FSD1L: variants seen among roughly 807,000 people sequenced by gnomAD.
The protein encoded by FSD1L is fibronectin type III and SPRY domain containing 1 like.
In FSD1L, 45 loss-of-function variants were observed where a neutral mutation model predicts 71.6. The ratio of observed to expected loss-of-function variants is 0.63; its 90% CI spans 0.49 to 0.81. The LOEUF is 0.81. FSD1L is among the 30% of genes least tolerant of loss of function. FSD1L has a pLI of 0.00. For missense variants in FSD1L, 561 were observed against 618.1 expected (o/e 0.91, Z 0.98); for synonymous variants, 197 against 207.2 (o/e 0.95, Z 0.42).
chr9:105,465,517 A>T (rs888396841), intron 3 of FSD1L, among the ~76,000 whole-genome samples: 2 of 152,210 alleles, frequency 1.3e-5, no homozygotes, highest in Non-Finnish European at 1.5e-5. Flanking sequence ...ATAAAATACT[A>T]GCAAACTGAA....
rs1042622426 is a variant in FSD1L at position 105,550,657 on chromosome 9, A to C, written c.*4174A>C. The C allele has an allele frequency of 3.3e-5, 5 of 152,108 alleles. No individual in the cohort carries two copies. Among genetic ancestry groups the C allele is most frequent in the Non-Finnish European group, 7.4e-5 (5 of 67,952 alleles). 9.4% of individuals were successfully genotyped at this position (152,108 alleles called of 1,614,324 possible). On this transcript the variant is annotated 3_prime_UTR_variant, in exon 14 of 14. Coordinates refer to ENST00000481272, the MANE Select transcript of FSD1L (RefSeq NM_001145313.3). ...AGCATTTTGAATTAGTTGGAGTTTA[A>C]ATGGATTACATTTGGTGTATATTGT... is the stretch of plus-strand genomic sequence containing the variant.
At chr9:105,523,894 T>C in intron 10 of FSD1L, 1 of 1,592,136 alleles carries the variant, frequency 6.3e-7, no homozygotes, top group South Asian at 1.1e-5. Context: ...ATTATGGATT[T>C]TATTGTAGCA....
intron 5 of FSD1L, among the ~76,000 whole-genome samples, chr9:105,475,199 A>G (rs1831715520): frequency 6.6e-6 from 1 of 152,332 alleles, no homozygotes. Flanking sequence ...AAGTCAGTGT[A>G]ACTAAATTGC....
chr9:105,464,380 A>G, intron 3 of FSD1L, 49 bp downstream of exon 3: 1 of 810,426 alleles, frequency 1.2e-6, no homozygotes, highest in East Asian at 2.9e-5. Context: ...ACAATGAGCC[A>G]AATCTGAAGT....
upstream of FSD1L, among the ~76,000 whole-genome samples, chr9:105,444,045 A>G (rs1433050642): frequency 6.6e-6 from 1 of 152,182 alleles, no homozygotes; most frequent in Non-Finnish European, 1.5e-5. Context: ...TTGGGCTTCA[A>G]CAAAGGGCAG....
chr9:105,500,178 G>T (rs139236825), intron 7 of FSD1L, among the ~76,000 whole-genome samples: 5 of 152,136 alleles, frequency 3.3e-5, no homozygotes, highest in Non-Finnish European at 5.9e-5. Flanking sequence ...CAGCATTTCT[G>T]CCATATCTGA....
Position 105,546,376 on chromosome 9 carries a change from T to C in FSD1L, c.1486T>C (p.Ser496Pro). 1.3e-6 allele frequency: 2 copies of C among 1,548,170 alleles called. No homozygotes were observed. Among genetic ancestry groups the C allele is most frequent in the South Asian group, 1.2e-5 (1 of 83,362 alleles). Residue 496 changes from serine to proline, a missense_variant, in exon 14 of 14, where the codon TCT (serine) becomes CCT (proline). By Grantham distance (74) the Ser-to-Pro change is moderately conservative (BLOSUM62 -1). This residue lies in a region of FSD1L where 98 missense variants were observed against 102.3 expected (regional missense o/e 0.96). Transcript: ENST00000481272. ...PGFMVWCGGLSLSTGMQVPSA... is the reference protein window; with the variant it reads ...PGFMVWCGGLPLSTGMQVPSA... ...TTCTTAGGTATGGTGTGGTGGACTT[T>C]CTTTGAGTACTGGGATGCAGGTTCC... is the stretch of plus-strand genomic sequence containing the variant.
chr9:105,545,046 T>C (rs1836893302), intron 13 of FSD1L, among the ~76,000 whole-genome samples: 1 of 152,222 alleles, frequency 6.6e-6, no homozygotes, highest in Admixed American at 6.5e-5. Context: ...ATATTGATTC[T>C]TCCTATCCAT....
intron 7 of FSD1L, among the ~76,000 whole-genome samples, chr9:105,491,406 A>G (rs1385642179): frequency 6.6e-6 from 1 of 152,034 alleles, no homozygotes; most frequent in East Asian, 1.9e-4. Context: ...GGGCTGAGAC[A>G]ATGGGGTTTC....
intron 7 of FSD1L, among the ~76,000 whole-genome samples, chr9:105,493,589 C>T (rs1252085648): frequency 1.3e-5 from 2 of 152,164 alleles, no homozygotes; most frequent in African/African-American, 4.8e-5. Context: ...CAGTTTCTTC[C>T]TAGCCTCGAT....
At position 105,546,625 on chromosome 9, in the gene FSD1L, C is replaced by A. The variant is rs1837023065; in HGVS notation, c.*142C>A. The A allele has an allele frequency of 1.4e-6, 1 of 736,138 alleles. No homozygotes were observed. Among genetic ancestry groups the A allele is most frequent in the Non-Finnish European group, 2.0e-6 (1 of 494,124 alleles). The allele number at this position is 736,138 out of a possible 1,614,324, so 45.6% of individuals were successfully genotyped here. On this transcript the variant is annotated 3_prime_UTR_variant, in exon 14 of 14. Transcript: ENST00000481272. The stretch of plus-strand genomic sequence containing the variant: ...CCTGGAATCTTTTATCATTAAACAC[C>A]TAGTACGAAGCATTTGCAGGAACCT...
intron 5 of FSD1L, chr9:105,473,013 A>G (rs1831571709): frequency 6.6e-6 from 1 of 152,206 alleles, no homozygotes; most frequent in South Asian, 2.1e-4. Flanking sequence ...CTTTAAAAGT[A>G]TGATATGTTG....
chr9:105,535,526 TTATAA>T (rs2131495881), intron 12 of FSD1L, among the ~76,000 whole-genome samples: 1 of 152,274 alleles, frequency 6.6e-6, no homozygotes, highest in Non-Finnish European at 1.5e-5. Flanking sequence ...AAGCACTCAT[TTATAA>T]TATACTAAGT....
intron 12 of FSD1L, 142 bp from the exon 13 acceptor site, chr9:105,539,121 A>G: frequency 7.4e-6 from 4 of 543,906 alleles, no homozygotes; most frequent in South Asian, 2.5e-5. Context: ...CTGATTTTCA[A>G]GTGAGAATAA....
intron 1 of FSD1L, among the ~76,000 whole-genome samples, 167 bp from the exon 2 acceptor site, chr9:105,461,353 G>T (rs569179944): frequency 6.0e-5 from 9 of 151,156 alleles, no homozygotes; most frequent in African/African-American, 2.2e-4. Context: ...TGAACACTCC[G>T]TACCAAAAAA....
intron 7 of FSD1L, among the ~76,000 whole-genome samples, chr9:105,496,358 C>T (rs61407508): frequency 0.025 from 3,799 of 152,120 alleles, 178 homozygotes; most frequent in African/African-American, 0.087. Context: ...TTTTTCAATA[C>T]TGTGTTGCCT....
At chr9:105,488,549 A>G (rs767840537) in intron 7 of FSD1L, among the ~76,000 whole-genome samples, 2 of 152,170 alleles carry the variant, frequency 1.3e-5, no homozygotes, top group Non-Finnish European at 2.9e-5. Context: ...CGATTACTGA[A>G]TAGTATGGTA....
rs1321337666 is a variant in FSD1L at position 105,548,634 on chromosome 9, T to C, written c.*2151T>C. Reference sequence around the variant, plus strand: ...CATGATTCTTGTGTTCATGTTGTCATTTGAAACTCTTCACATAAAATTTTC... The same window carrying C: ...CATGATTCTTGTGTTCATGTTGTCACTTGAAACTCTTCACATAAAATTTTC... On this transcript the variant is annotated 3_prime_UTR_variant, in exon 14 of 14. Coordinates refer to ENST00000481272, the MANE Select transcript of FSD1L (RefSeq NM_001145313.3). 2 of 152,170 alleles carry C rather than the reference T, an allele frequency of 1.3e-5. No individual in the cohort carries two copies. Among genetic ancestry groups the C allele is most frequent in the African/African-American group, 2.4e-5 (1 of 41,402 alleles). The allele number at this position is 152,170 out of a possible 1,614,324, so 9.4% of individuals were successfully genotyped here. A position where few individuals can be genotyped will look rare whatever the true frequency, so the allele number is the denominator to read the frequency against.
At chr9:105,479,271 C>A in intron 5 of FSD1L, 83 bp from the exon 6 acceptor site, 1 of 1,275,068 alleles carries the variant, frequency 7.8e-7, no homozygotes, top group Non-Finnish European at 1.1e-6. Context: ...TATATCCTAA[C>A]TTTTCTTGCA....
Sources: allele counts gnomAD v4.1 joint callset (sites outside exome capture counted in the v4.1 genomes callset), GRCh38; gene constraint gnomAD v4.1.1; regional missense constraint gnomAD v4.1.1; transcripts MANE v1.5; gene names NCBI Gene and HGNC (gene_info 2026-07-23, HGNC 2026-07-21).